LRRC74A: variants seen among roughly 807,000 people sequenced by gnomAD.
LRRC74A encodes the protein leucine rich repeat containing 74A.
A neutral mutation model predicts 57.9 loss-of-function variants in LRRC74A; 44 were observed. The ratio of observed to expected loss-of-function variants is 0.76; its 90% CI spans 0.60 to 0.98. LRRC74A has a LOEUF of 0.98. Among genes scored for constraint, LRRC74A ranks in the 50% least tolerant of loss-of-function variants. The pLI is 0.00. For synonymous variants in LRRC74A, 211 were observed against 219.4 expected, an observed-to-expected ratio of 0.96 and a Z score of 0.34; for missense variants, 572 against 574.0, an observed-to-expected ratio of 1.00 and a Z score of 0.04.
At chr14:76,858,852 G>A (rs1054206406) in intron 10 of LRRC74A, among the ~76,000 whole-genome samples, 5 of 152,160 alleles carry the variant, frequency 3.3e-5, no homozygotes, top group African/African-American at 7.2e-5. Flanking sequence ...GCCTCCCAAA[G>A]TGCTGGGATT....
chr14:76,857,053 GGA>G (rs1315354161), intron 9 of LRRC74A, among the ~76,000 whole-genome samples: 83 of 150,816 alleles, frequency 5.5e-4, no homozygotes, highest in African/African-American at 2.0e-3. Context: ...GTATATAGGT[GGA>G]TGAATGGATG....
At chr14:76,830,247 GA>G (rs1323534713) in intron 2 of LRRC74A, among the ~76,000 whole-genome samples, 5 of 152,230 alleles carry the variant, frequency 3.3e-5, no homozygotes, top group Admixed American at 6.5e-5. Context: ...TTTGGAGGGG[GA>G]GGGGGTTGGC....
intron 11 of LRRC74A, among the ~76,000 whole-genome samples, chr14:76,865,524 G>A (rs1214030946): frequency 6.6e-6 from 1 of 152,232 alleles, no homozygotes; most frequent in Admixed American, 6.5e-5. Context: ...TTATACAGCT[G>A]TGATTTAACC....
At chr14:76,835,256 G>A (rs1038555225) in intron 3 of LRRC74A, among the ~76,000 whole-genome samples, 1 of 152,162 alleles carries the variant, frequency 6.6e-6, no homozygotes, top group Non-Finnish European at 1.5e-5. Flanking sequence ...GCCAAGGCGG[G>A]TGGATCACCT....
At chr14:76,827,614 G>A (rs1895664793) in intron 1 of LRRC74A, among the ~76,000 whole-genome samples, 1 of 152,154 alleles carries the variant, frequency 6.6e-6, no homozygotes, top group Middle Eastern at 3.2e-3. Flanking sequence ...GAGGACTGGT[G>A]TGAGGGGAGC....
chr14:76,859,854 T>G (rs1898172424), intron 10 of LRRC74A, among the ~76,000 whole-genome samples: 1 of 151,914 alleles, frequency 6.6e-6, no homozygotes, highest in Non-Finnish European at 1.5e-5. Context: ...TTTTTTGTAT[T>G]TTTAGTAGAA....
intron 7 of LRRC74A, among the ~76,000 whole-genome samples, chr14:76,848,604 A>G (rs1356802118): frequency 6.6e-6 from 1 of 152,202 alleles, no homozygotes; most frequent in East Asian, 1.9e-4. Context: ...CAAAGCAAAA[A>G]GAACACTATA....
intron 11 of LRRC74A, among the ~76,000 whole-genome samples, chr14:76,863,591 G>T (rs116611628): frequency 1.3e-3 from 195 of 152,316 alleles, no homozygotes; most frequent in African/African-American, 4.3e-3. Context: ...GAAGCCCTTG[G>T]CTTCACCCTT....
chr14:76,870,237 A>G lies in LRRC74A; in HGVS notation c.*88A>G, dbSNP rs1335515877. On this transcript the variant is annotated 3_prime_UTR_variant, in exon 14 of 14. Transcript: ENST00000689127. ...GGGAGGAGAGCAAGAGGTGGCTGAA[A>G]TCTCGATGGACAGATGCTGTGGCAG... is the stretch of plus-strand genomic sequence containing the variant. 1 of 1,390,064 alleles carries G rather than the reference A, an allele frequency of 7.2e-7. No homozygotes were observed. Among genetic ancestry groups the G allele is most frequent in the Admixed American group, 1.9e-5 (1 of 51,410 alleles). The allele number at this position is 1,390,064 out of a possible 1,614,324, so 86.1% of individuals were successfully genotyped here.
intron 5 of LRRC74A, among the ~76,000 whole-genome samples, chr14:76,841,476 T>C (rs1050965968): frequency 6.6e-6 from 1 of 152,180 alleles, no homozygotes; most frequent in Admixed American, 6.5e-5. Flanking sequence ...TTGTAAGTAA[T>C]AGTAGTCTTG....
rs527468124 is a variant in LRRC74A at position 76,850,738 on chromosome 14, G to C, written c.677-1627G>C. On this transcript the variant is annotated intron_variant, in intron 7 of 13. Transcript: ENST00000689127. ...AAAAAATTAGCTGGGCGTGGTGGCA[G>C]GCGCCTATAATCCCAGCTGCCCGGG... Among the ~76,000 whole-genome samples the C allele has an allele frequency of 3.3e-5, 5 of 152,016 alleles. No individual in the cohort carries two copies. The East Asian group carries it at 9.7e-4, about 29-fold the overall frequency.
intron 7 of LRRC74A, among the ~76,000 whole-genome samples, chr14:76,845,143 G>A (rs1897037422): frequency 6.6e-6 from 1 of 152,104 alleles, no homozygotes; most frequent in African/African-American, 2.4e-5. Context: ...GGGCAACACA[G>A]GGACACCCTG....
chr14:76,862,571 ATAAG>A, intron 11 of LRRC74A, among the ~76,000 whole-genome samples: 1 of 151,882 alleles, frequency 6.6e-6, no homozygotes, highest in East Asian at 1.9e-4. Context: ...TAAATAATAA[ATAAG>A]TGACAGAGGC....
chr14:76,836,139 C>G lies in LRRC74A; in HGVS notation c.340-68C>G. The G allele has an allele frequency of 3.4e-6, 4 of 1,159,850 alleles. No individual in the cohort carries two copies. The South Asian group carries it at 5.5e-5, about 16-fold the overall frequency. 71.8% of individuals were successfully genotyped at this position (1,159,850 alleles called of 1,614,324 possible). ...GCCCATTCACATGGCTGGCCCAGGG[C>G]GAGCAGGGAACTGACTGGGTCACCA... On this transcript the variant is annotated intron_variant, in intron 3 of 13. Transcript: ENST00000689127.
At chr14:76,866,184 C>G in intron 12 of LRRC74A, 109 bp downstream of exon 12, 1 of 816,712 alleles carries the variant, frequency 1.2e-6, no homozygotes, top group Non-Finnish European at 2.0e-6. Context: ...TGAGCACTTC[C>G]TAGAGCTTCC....
chr14:76,840,282 A>G lies in LRRC74A; in HGVS notation c.544+2311A>G, dbSNP rs1896661566. 2.0e-5 allele frequency among the ~76,000 whole-genome samples: 3 copies of G among 152,156 alleles called. No individual in the cohort carries two copies. In the South Asian group the frequency reaches 6.2e-4, roughly 32 times the overall value. ...ACATAGCAAGACCCCATCTATAAAA[A>G]AGAAAAAGAAAAAAAATTAGGTAAA... On this transcript the variant is annotated intron_variant, in intron 5 of 13. Coordinates refer to ENST00000689127, the MANE Select transcript of LRRC74A (RefSeq NM_001385106.1).
intron 5 of LRRC74A, among the ~76,000 whole-genome samples, chr14:76,840,502 T>A (rs771707581): frequency 6.6e-6 from 1 of 152,168 alleles, no homozygotes; most frequent in Non-Finnish European, 1.5e-5. Flanking sequence ...AATGTCATCT[T>A]TATCATGTAT....
intron 7 of LRRC74A, among the ~76,000 whole-genome samples, chr14:76,847,780 G>T (rs1413331763): frequency 1.3e-5 from 2 of 152,114 alleles, no homozygotes; most frequent in Non-Finnish European, 2.9e-5. Flanking sequence ...CTGGCACAGT[G>T]GCTCATGCCT....
intron 7 of LRRC74A, among the ~76,000 whole-genome samples, chr14:76,849,090 G>A (rs1248486716): frequency 1.3e-5 from 2 of 152,154 alleles, no homozygotes. Context: ...TCCATGTGGG[G>A]CAGTTTGAGT....
Sources: gnomAD v4.1 joint callset for allele counts (sites outside exome capture counted in the v4.1 genomes callset) on GRCh38, gnomAD v4.1.1 for gene constraint, MANE v1.5 for transcripts, NCBI Gene and HGNC (gene_info 2026-07-23, HGNC 2026-07-21) for gene names.